Variants in PAX5 observed in about 807,000 individuals in gnomAD.
PAX5 encodes the protein paired box 5.
In PAX5, 9 loss-of-function variants were observed where a neutral mutation model predicts 43.7. The observed-to-expected ratio is 0.21, with a 90% confidence interval of 0.12 to 0.36. The LOEUF is 0.36. Ranked by LOEUF, PAX5 falls within the 10% of genes least tolerant of loss-of-function variation. PAX5 has a pLI of 1.00. For synonymous variants in PAX5, 228 were observed against 214.3 expected, an observed-to-expected ratio of 1.06 and a Z score of -0.56; for missense variants, 383 against 532.7, an observed-to-expected ratio of 0.72 and a Z score of 2.77.
At chr9:36,979,986 C>T (rs1267556353) in intron 5 of PAX5, among the ~76,000 whole-genome samples, 1 of 152,174 alleles carries the variant, frequency 6.6e-6, no homozygotes, top group African/African-American at 2.4e-5. Flanking sequence ...GTTCTCAGGT[C>T]AAGACTTTTT....
intron 6 of PAX5, among the ~76,000 whole-genome samples, chr9:36,928,282 A>G (rs1254613463): frequency 6.6e-6 from 1 of 152,040 alleles, no homozygotes; most frequent in Non-Finnish European, 1.5e-5. Context: ...ACACTGTCCT[A>G]CCTCCGCCTG....
chr9:37,015,623 A>G lies in PAX5; in HGVS notation c.213-429T>C, dbSNP rs1279808819. Among the ~76,000 whole-genome samples the G allele has an allele frequency of 6.0e-5, 9 of 149,594 alleles. No homozygotes were observed. The East Asian group carries it at 7.9e-4, about 13-fold the overall frequency. On this transcript the variant is annotated intron_variant, in intron 2 of 9. Transcript: ENST00000358127. The surrounding 1 kb of genome is among the most constrained non-coding windows in gnomAD (Gnocchi z 4.4). ...AGACGGAGTTTCGCTCTTGTTGCCC[A>G]GGCTGGAATGCAATGGCGTGATCTT...
chr9:36,973,250 C>A (rs1398985167), intron 5 of PAX5, among the ~76,000 whole-genome samples: 1 of 152,144 alleles, frequency 6.6e-6, no homozygotes, highest in African/African-American at 2.4e-5. Flanking sequence ...CCCCACCTTA[C>A]CCCAGGGTCC....
chr9:36,967,227 CTG>C (rs1365464769), intron 5 of PAX5, among the ~76,000 whole-genome samples: 4 of 152,188 alleles, frequency 2.6e-5, no homozygotes, highest in African/African-American at 9.7e-5. Flanking sequence ...GCTAGGAAGA[CTG>C]TAGGAAAACG....
At chr9:36,868,027 G>A (rs1442575332) in intron 8 of PAX5, among the ~76,000 whole-genome samples, 1 of 152,220 alleles carries the variant, frequency 6.6e-6, no homozygotes, top group Non-Finnish European at 1.5e-5. Flanking sequence ...AAGTGAAAGG[G>A]AAAACATGAG....
chr9:36,944,224 CCAA>C (rs906557357), intron 6 of PAX5, among the ~76,000 whole-genome samples: 13 of 152,156 alleles, frequency 8.5e-5, no homozygotes, highest in Non-Finnish European at 1.5e-4. Flanking sequence ...ATAATTGGAC[CCAA>C]CAACAAACAC....
At chr9:36,861,811 A>T (rs567290593) in intron 8 of PAX5, among the ~76,000 whole-genome samples, 3 of 152,158 alleles carry the variant, frequency 2.0e-5, no homozygotes, top group Admixed American at 2.0e-4. Context: ...CTGAGTGTGC[A>T]CAGGAGGGAC....
At chr9:36,941,139 C>T (rs904402626) in intron 6 of PAX5, among the ~76,000 whole-genome samples, 4 of 152,200 alleles carry the variant, frequency 2.6e-5, no homozygotes, top group African/African-American at 4.8e-5. Flanking sequence ...AGCCGCTAAG[C>T]CAGCAGGCTC....
chr9:36,929,449 G>C (rs963820560), intron 6 of PAX5, among the ~76,000 whole-genome samples: 1 of 152,196 alleles, frequency 6.6e-6, no homozygotes, highest in Non-Finnish European at 1.5e-5. Flanking sequence ...TCACAGATGT[G>C]TAAGTGTGTT....
intron 6 of PAX5, among the ~76,000 whole-genome samples, chr9:36,947,584 C>A (rs1380928977): frequency 2.0e-5 from 3 of 151,956 alleles, no homozygotes; most frequent in African/African-American, 7.3e-5. Context: ...TGCTCTGTTT[C>A]CCAGGCTGGT....
At chr9:36,851,036 G>C (rs1368404037) in intron 8 of PAX5, among the ~76,000 whole-genome samples, 2 of 152,208 alleles carry the variant, frequency 1.3e-5, no homozygotes, top group African/African-American at 4.8e-5. Flanking sequence ...AGCACGCTCT[G>C]CCATCAGGCC....
At chr9:36,853,209 T>C (rs1823334663) in intron 8 of PAX5, among the ~76,000 whole-genome samples, 1 of 148,464 alleles carries the variant, frequency 6.7e-6, no homozygotes, top group African/African-American at 2.4e-5. Context: ...TTAACTGAAG[T>C]TCATTACTTG....
At chr9:36,948,913 C>T (rs777941969) in intron 6 of PAX5, among the ~76,000 whole-genome samples, 6 of 152,088 alleles carry the variant, frequency 3.9e-5, no homozygotes, top group Non-Finnish European at 5.9e-5. Context: ...CCCTGTAGAA[C>T]CTCTGATGTG....
chr9:37,029,202 G>T (rs1025045414), intron 1 of PAX5, among the ~76,000 whole-genome samples: 3 of 152,196 alleles, frequency 2.0e-5, no homozygotes, highest in Non-Finnish European at 2.9e-5. Flanking sequence ...ATCATGAGAG[G>T]ATTCCTGGGT....
At chr9:36,908,622 C>G (rs1587937859) in intron 7 of PAX5, among the ~76,000 whole-genome samples, 1 of 152,172 alleles carries the variant, frequency 6.6e-6, no homozygotes. Flanking sequence ...ATCCTTTGCA[C>G]TTTTTCTCCT....
chr9:36,896,893 A>G (rs1046945979), intron 7 of PAX5, among the ~76,000 whole-genome samples: 4 of 152,198 alleles, frequency 2.6e-5, no homozygotes, highest in Non-Finnish European at 5.9e-5. Context: ...CAATTTGTCC[A>G]TAGATGGGGA....
chr9:36,977,365 G>T (rs1835526521), intron 5 of PAX5, among the ~76,000 whole-genome samples: 1 of 152,132 alleles, frequency 6.6e-6, no homozygotes, highest in African/African-American at 2.4e-5. Flanking sequence ...ACACAGCTAA[G>T]AAGTGGAGAA....
chr9:36,965,837 T>G (rs956113625), intron 6 of PAX5, among the ~76,000 whole-genome samples: 3 of 152,190 alleles, frequency 2.0e-5, no homozygotes, highest in Non-Finnish European at 4.4e-5. Flanking sequence ...AATAGTCTTA[T>G]GAACTGAATC....
At chr9:36,872,450 A>G (rs1825574840) in intron 8 of PAX5, among the ~76,000 whole-genome samples, 1 of 152,128 alleles carries the variant, frequency 6.6e-6, no homozygotes, top group African/African-American at 2.4e-5. Context: ...CATTCAGCCC[A>G]GCCTCCCCAG....
Sources: allele counts gnomAD v4.1 joint callset (sites outside exome capture counted in the v4.1 genomes callset), GRCh38; gene constraint gnomAD v4.1.1; non-coding constraint Gnocchi (gnomAD v3.1); transcripts MANE v1.5; gene names NCBI Gene and HGNC (gene_info 2026-07-23, HGNC 2026-07-21).